RBMS3: variants seen among roughly 807,000 people sequenced by gnomAD.
RBMS3 encodes RNA binding motif single stranded interacting protein 3.
In RBMS3, 27 loss-of-function variants were observed where a neutral mutation model predicts 66.8. The ratio of observed to expected loss-of-function variants is 0.40; its 90% CI spans 0.30 to 0.56. RBMS3 has a LOEUF of 0.56. Ranked by LOEUF, RBMS3 falls within the 20% of genes least tolerant of loss-of-function variation. The pLI, the probability that RBMS3 is intolerant of heterozygous loss-of-function variation, is 0.40. For missense variants in RBMS3, 513 were observed against 549.5 expected (o/e 0.93, Z 0.66); for synonymous variants, 188 against 183.0 (o/e 1.03, Z -0.22).
intron 4 of RBMS3, among the ~76,000 whole-genome samples, chr3:29,606,773 C>T (rs1471476313): frequency 1.3e-5 from 2 of 151,934 alleles, no homozygotes; most frequent in African/African-American, 4.8e-5. Context: ...TCTTCTAGTG[C>T]TCACTTGCAG....
chr3:29,511,152 T>A (rs1054726681), intron 3 of RBMS3, among the ~76,000 whole-genome samples: 2 of 151,930 alleles, frequency 1.3e-5, no homozygotes, highest in African/African-American at 4.8e-5. Context: ...AAAAAATTAG[T>A]GGGACATGGC....
chr3:29,307,982 C>T (rs182325558), intron 1 of RBMS3, among the ~76,000 whole-genome samples: 2 of 151,774 alleles, frequency 1.3e-5, no homozygotes, highest in Non-Finnish European at 2.9e-5. Context: ...AAAATTACCC[C>T]TCACACTTTT....
intron 12 of RBMS3, among the ~76,000 whole-genome samples, chr3:29,982,709 G>A (rs576378777): frequency 3.3e-5 from 5 of 152,294 alleles, no homozygotes; most frequent in East Asian, 1.9e-4. Flanking sequence ...CATTTTCCAC[G>A]TAGTTGTGCA....
At chr3:29,988,312 C>G in intron 13 of RBMS3, 89 bp downstream of exon 13, 1 of 1,106,446 alleles carries the variant, frequency 9.0e-7, no homozygotes, top group Non-Finnish European at 1.3e-6. Context: ...GGAATCCTCA[C>G]TTGCAATTTT....
chr3:29,605,944 T>A (rs564906536), intron 4 of RBMS3, among the ~76,000 whole-genome samples: 2 of 151,430 alleles, frequency 1.3e-5, no homozygotes, highest in Non-Finnish European at 2.9e-5. Context: ...TCTTTCTGGC[T>A]TTGTTAAGAC....
At chr3:29,570,158 T>G (rs779073289) in intron 3 of RBMS3, among the ~76,000 whole-genome samples, 4 of 152,064 alleles carry the variant, frequency 2.6e-5, no homozygotes, top group Admixed American at 6.6e-5. Flanking sequence ...TTAGAAAAAA[T>G]CAATAGTCAT....
chr3:29,808,778 A>C (rs532809075), intron 6 of RBMS3, among the ~76,000 whole-genome samples: 40 of 152,094 alleles, frequency 2.6e-4, no homozygotes, highest in African/African-American at 9.4e-4. Context: ...AATTATAAAG[A>C]GACAAAAGAA....
At chr3:29,688,993 G>A (rs985084214) in intron 4 of RBMS3, among the ~76,000 whole-genome samples, 20 of 152,056 alleles carry the variant, frequency 1.3e-4, no homozygotes, top group Admixed American at 9.8e-4. Flanking sequence ...ACAACTTCAC[G>A]ATGCTGTTAT....
intron 4 of RBMS3, among the ~76,000 whole-genome samples, chr3:29,683,403 C>G (rs1389058897): frequency 6.6e-6 from 1 of 152,000 alleles, no homozygotes; most frequent in African/African-American, 2.4e-5. Flanking sequence ...AAGATTGCAT[C>G]CATAAATGTG....
At chr3:29,340,920 G>T (rs982213771) in intron 1 of RBMS3, among the ~76,000 whole-genome samples, 1 of 151,906 alleles carries the variant, frequency 6.6e-6, no homozygotes, top group Non-Finnish European at 1.5e-5. Flanking sequence ...AATGCTATCT[G>T]TAATGCTTTT....
intron 4 of RBMS3, among the ~76,000 whole-genome samples, chr3:29,633,623 C>A (rs769298082): frequency 5.9e-5 from 9 of 151,730 alleles, no homozygotes; most frequent in Non-Finnish European, 1.2e-4. Flanking sequence ...TGGGCACAAA[C>A]CTGTTTCTAC....
intron 1 of RBMS3, among the ~76,000 whole-genome samples, chr3:29,346,905 T>C (rs2036608896): frequency 6.6e-6 from 1 of 152,198 alleles, no homozygotes; most frequent in Non-Finnish European, 1.5e-5. Flanking sequence ...AAGAACTCCT[T>C]TGGCCTGCAA....
chr3:29,846,543 C>T (rs906317312), intron 6 of RBMS3, among the ~76,000 whole-genome samples: 1 of 152,132 alleles, frequency 6.6e-6, no homozygotes, highest in Admixed American at 6.6e-5. Context: ...TCAAATAATA[C>T]AATAATTTTA....
At chr3:29,632,325 A>G (rs1028963129) in intron 4 of RBMS3, among the ~76,000 whole-genome samples, 1 of 151,786 alleles carries the variant, frequency 6.6e-6, no homozygotes, top group Admixed American at 6.6e-5. Context: ...CTCTTTTGTC[A>G]TTTTTCAACT....
intron 1 of RBMS3, among the ~76,000 whole-genome samples, chr3:29,293,112 T>C (rs899678935): frequency 6.6e-6 from 1 of 151,872 alleles, no homozygotes; most frequent in African/African-American, 2.4e-5. Flanking sequence ...AGGGAGAACC[T>C]GTATAAAAGC....
intron 4 of RBMS3, among the ~76,000 whole-genome samples, chr3:29,659,903 C>T (rs932946215): frequency 2.0e-5 from 3 of 152,164 alleles, no homozygotes; most frequent in African/African-American, 7.2e-5. Context: ...TTATTACCTT[C>T]TGTTTTCTTG....
At chr3:29,553,734 A>C (rs1207829011) in intron 3 of RBMS3, among the ~76,000 whole-genome samples, 1 of 151,996 alleles carries the variant, frequency 6.6e-6, no homozygotes, top group Non-Finnish European at 1.5e-5. Context: ...TTTGTTTTGT[A>C]ATAGATCTCC....
At chr3:29,486,908 A>T (rs1203246330) in intron 2 of RBMS3, among the ~76,000 whole-genome samples, 1 of 152,106 alleles carries the variant, frequency 6.6e-6, no homozygotes, top group Non-Finnish European at 1.5e-5. Context: ...AGATAGTTAT[A>T]CCTGATCTAA....
rs1469314176 is a variant in RBMS3 at position 30,005,825 on chromosome 3, A to T, written c.*1963A>T. On this transcript the variant is annotated 3_prime_UTR_variant, in exon 15 of 15. Transcript: ENST00000383767. ...AATTTAGGGAAGTCCTTAAAATGCT[A>T]GTTGACAATCAAGGAACAGTATGAT... The T allele has an allele frequency of 6.6e-6, 1 of 151,902 alleles. No individual in the cohort carries two copies. 9.4% of individuals were successfully genotyped at this position (151,902 alleles called of 1,614,324 possible).
Sources: gnomAD v4.1 joint callset for allele counts (sites outside exome capture counted in the v4.1 genomes callset) on GRCh38, gnomAD v4.1.1 for gene constraint, MANE v1.5 for transcripts, NCBI Gene and HGNC (gene_info 2026-07-23, HGNC 2026-07-21) for gene names.